Variants in PHKG1 observed in about 807,000 individuals in gnomAD.
PHKG1 encodes the protein phosphorylase kinase catalytic subunit gamma 1.
Under a neutral mutation model 50.5 loss-of-function variants are expected in PHKG1, and 48 were observed. The observed-to-expected ratio is 0.95, with a 90% CI of 0.75 to 1.21. The LOEUF is 1.21. Ranked by LOEUF, PHKG1 falls within the 50% of genes most tolerant of loss-of-function variation. The probability of loss-of-function intolerance (pLI) is 0.00; values close to 1 mark genes in which losing one functional copy is unlikely to be tolerated. For synonymous variants in PHKG1, 204 were observed against 212.8 expected (o/e 0.96, Z 0.36); for missense variants, 487 against 519.5 (o/e 0.94, Z 0.61).
At position 56,081,703 on chromosome 7, in the gene PHKG1, G is replaced by T; in HGVS notation, c.845C>A (p.Ala282Asp). The T allele has an allele frequency of 6.2e-7, 1 of 1,613,828 alleles. No homozygotes were observed. The highest frequency in any genetic ancestry group is 1.3e-5 in the African/African-American group (1 of 75,034). ...QPQNRYTAEEALAHPFFQQYL... is the reference protein window; with the variant it reads ...QPQNRYTAEEDLAHPFFQQYL... Reference sequence around the variant, plus strand: ...CTGCTGGAAGAAGGGGTGTGCCAAGGCCTCTTCCGCTGTGTAGCGGTTCTG... The same window carrying T: ...CTGCTGGAAGAAGGGGTGTGCCAAGTCCTCTTCCGCTGTGTAGCGGTTCTG... The change falls in exon 9 of 10, where the codon GCC (alanine) becomes GAC (aspartate). Residue 282 changes from alanine (A) to aspartate (D), a missense_variant. Coordinates refer to ENST00000297373, the MANE Select transcript of PHKG1 (RefSeq NM_006213.5). This position sits in a 1 kb window ranked among gnomAD's most constrained non-coding sequence, Gnocchi z 4.6.
At chr7:56,082,918 C>T (rs1041019674) in intron 6 of PHKG1, among the ~76,000 whole-genome samples, 8 of 152,016 alleles carry the variant, frequency 5.3e-5, no homozygotes, top group South Asian at 2.1e-4. Context: ...CCAGCCTGAC[C>T]AACATGGTGA....
At chr7:56,082,136 G>A in intron 7 of PHKG1, 27 bp downstream of exon 7, 2 of 1,612,846 alleles carry the variant, frequency 1.2e-6, no homozygotes, top group Non-Finnish European at 1.7e-6. Context: ...GCCTAGCTGG[G>A]TGCTCCTCCT....
At position 56,081,522 on chromosome 7, in the gene PHKG1, GGGATGGGTACTCT is replaced by G; in HGVS notation, c.918+95_918+107del. On this transcript the variant is annotated intron_variant, in intron 9 of 9. Transcript: ENST00000297373. This position sits in a 1 kb window ranked among gnomAD's most constrained non-coding sequence, Gnocchi z 4.6. ...CCATCACAGGGCAGCTGGGAGGGGA[GGGATGGGTACTCT>G]GGAAATTCACGGGGTGTAAGGACTC... 1 of 1,368,178 alleles carries G rather than the reference GGGATGGGTACTCT, an allele frequency of 7.3e-7. No individual in the cohort carries two copies. Among genetic ancestry groups the G allele is most frequent in the South Asian group, 1.3e-5 (1 of 78,142 alleles). The allele number at this position is 1,368,178 out of a possible 1,614,324, so 84.8% of individuals were successfully genotyped here. A position where few individuals can be genotyped will look rare whatever the true frequency, so the allele number is the denominator to read the frequency against.
chr7:56,090,045 C>A (rs1414354564), intron 1 of PHKG1, among the ~76,000 whole-genome samples: 1 of 152,104 alleles, frequency 6.6e-6, no homozygotes. Flanking sequence ...AAACACACCC[C>A]CTTCTAGGAC....
Position 56,081,886 on chromosome 7 carries a change from C to A in PHKG1, c.792+7G>T, listed in dbSNP as rs1796015741. On this transcript the variant is annotated splice_region_variant and intron_variant, in intron 8 of 9. Transcript: ENST00000297373. The surrounding 1 kb of genome is among the most constrained non-coding windows in gnomAD (Gnocchi z 4.6). Reference sequence around the variant, plus strand: ...GAGCCCAGGAGCCAGTTGGCCTGGCCTCTCACCAGGTCCTTCACGGTGTCC... The same window carrying A: ...GAGCCCAGGAGCCAGTTGGCCTGGCATCTCACCAGGTCCTTCACGGTGTCC... 7 of 1,613,220 alleles carry A rather than the reference C, an allele frequency of 4.3e-6. No individual in the cohort carries two copies. The highest frequency in any genetic ancestry group is 5.9e-6 in the Non-Finnish European group (7 of 1,179,826).
Position 56,081,571 on chromosome 7 carries a change from AG to A in PHKG1, c.918+58del. 6.3e-7 allele frequency: 1 copy of A among 1,587,876 alleles called. No homozygotes were observed. On this transcript the variant is annotated intron_variant, in intron 9 of 9. Transcript: ENST00000297373. The surrounding 1 kb of genome is among the most constrained non-coding windows in gnomAD (Gnocchi z 4.6). ...GGGGTGTAAGGACTCCTGGGAGAGG[AG>A]GGGGCTTAGAGGTTTGCACTTAGGG...
intron 4 of PHKG1, 124 bp downstream of exon 4, chr7:56,086,846 G>T: frequency 1.3e-6 from 1 of 798,504 alleles, no homozygotes; most frequent in Non-Finnish European, 2.2e-6. Context: ...TCTAAACACC[G>T]TGATTGTATT....
chr7:56,087,711 A>G lies in PHKG1; in HGVS notation c.149T>C (p.Val50Ala). 1 of 1,613,780 alleles carries G rather than the reference A, an allele frequency of 6.2e-7. No individual in the cohort carries two copies. Among genetic ancestry groups the G allele is most frequent in the Non-Finnish European group, 8.5e-7 (1 of 1,179,992 alleles). Residue 50 changes from valine to alanine, a missense_variant, in exon 3 of 10, where the codon GTC becomes GCC. Transcript: ENST00000297373. ...GCTGCCTCCACCGGTGACGTCGATG[A>G]CCTTCACGGCGTACTCCTGGCTCGT... ...KPTSQEYAVK[V>A]IDVTGGGSFS...
At chr7:56,086,771 A>T in intron 4 of PHKG1, 199 bp downstream of exon 4, 1 of 583,042 alleles carries the variant, frequency 1.7e-6, no homozygotes. Context: ...TAAAGAAATG[A>T]TCCAGCCCAC....
intron 6 of PHKG1, 57 bp downstream of exon 6, chr7:56,083,221 C>A: frequency 6.7e-7 from 1 of 1,495,122 alleles, no homozygotes; most frequent in African/African-American, 1.4e-5. Context: ...CTCTATTCTG[C>A]AGATGGTTGA....
rs1283953041 is a variant in PHKG1, at chr7:56,091,526, AAGAC to A, written c.-35+1306_-35+1309del. 1.3e-4 allele frequency among the ~76,000 whole-genome samples: 20 copies of A among 151,710 alleles called. No individual in the cohort carries two copies. The East Asian group carries it at 3.3e-3, about 25-fold the overall frequency. On this transcript the variant is annotated intron_variant, in intron 1 of 9. Transcript: ENST00000297373. The stretch of plus-strand genomic sequence containing the variant: ...AGTGAGACTCCATCTCAAAAAAAAA[AAGAC>A]AAAACAAAACAAAATCAGATGCAGG...
chr7:56,081,896 G>C lies in PHKG1; in HGVS notation c.789C>G (p.Asp263Glu), dbSNP rs200728838. ...EWDDYSDTVK[D>E]LVSRFLVVQP... ...GCCAGTTGGCCTGGCCTCTCACCAG[G>C]TCCTTCACGGTGTCCGAGTAATCAT... The change falls in exon 8 of 10, where the codon GAC becomes GAG. Residue 263 changes from aspartate (D) to glutamate (E), a missense_variant. Physicochemically the swap from Asp to Glu is conservative, Grantham distance 45. Transcript: ENST00000297373. The surrounding 1 kb of genome is among the most constrained non-coding windows in gnomAD (Gnocchi z 4.6). 168 of 1,613,302 alleles carry C rather than the reference G, an allele frequency of 1.0e-4. No individual in the cohort carries two copies. The highest frequency in any genetic ancestry group is 1.3e-4 in the Non-Finnish European group (152 of 1,179,944).
In PHKG1 at chr7:56,081,315, G is replaced by C. The variant is rs377245177; in HGVS notation, c.919-16C>G. On this transcript the variant is annotated splice_polypyrimidine_tract_variant and intron_variant, in intron 9 of 9. Transcript: ENST00000297373. The surrounding 1 kb of genome is among the most constrained non-coding windows in gnomAD (Gnocchi z 4.6). ...GAGCGATCACCTGCAGGGCCAGGCG[G>C]AGAAGCTGGGCTGCAGCCCCCGCCC... 1.2e-5 allele frequency: 19 copies of C among 1,596,468 alleles called. No homozygotes were observed. The highest frequency in any genetic ancestry group is 1.5e-5 in the Non-Finnish European group (18 of 1,176,212).
rs537581008 is a variant in PHKG1, at chr7:56,087,457, A to C, written c.262+141T>G. 3.1e-3 allele frequency: 2,280 copies of C among 734,194 alleles called. 4 individuals are homozygous for C. Among genetic ancestry groups the C allele is most frequent in the Non-Finnish European group, 4.3e-3 (1,933 of 446,366 alleles). 45.5% of individuals were successfully genotyped at this position (734,194 alleles called of 1,614,324 possible). ...ATCCCTGCCTGGGACCCCTTCTATC[A>C]GAGCAGTGAGGGTGGAGCTGGGAGC... On this transcript the variant is annotated intron_variant, in intron 3 of 9. Transcript: ENST00000297373.
At chr7:56,084,369 G>C in intron 4 of PHKG1, 1 of 473,432 alleles carries the variant, frequency 2.1e-6, no homozygotes, top group Non-Finnish European at 3.7e-6. Flanking sequence ...TGAGTATCCC[G>C]ATTTTTTTTT....
In PHKG1 at chr7:56,081,638, T is replaced by TC; in HGVS notation, c.909dup (p.Lys304GlufsTer94). ...ATCAGGACGCTTAGTACCTTGAACT[T>TC]CCCCCGGGGGCTGAAGTGCCGCACT... On this transcript the variant is annotated frameshift_variant, in exon 9 of 10. Transcript: ENST00000297373. LOFTEE classifies it high-confidence loss of function. This position sits in a 1 kb window ranked among gnomAD's most constrained non-coding sequence, Gnocchi z 4.6. 2 of 1,613,302 alleles carry TC rather than the reference T, an allele frequency of 1.2e-6. No individual in the cohort carries two copies. Among genetic ancestry groups the TC allele is most frequent in the Non-Finnish European group, 1.7e-6 (2 of 1,179,856 alleles).
chr7:56,083,755 A>G, intron 4 of PHKG1, 40 bp from the exon 5 acceptor site: 2 of 1,367,958 alleles, frequency 1.5e-6, no homozygotes, highest in Non-Finnish European at 2.0e-6. Flanking sequence ...CGGTCCCAAG[A>G]CCACCACTGC....
Position 56,081,205 on chromosome 7 carries a change from TA to T in PHKG1, c.1012del (p.Tyr338MetfsTer22), listed in dbSNP as rs764672270. The T allele has an allele frequency of 3.1e-6, 5 of 1,613,752 alleles. No homozygotes were observed. The South Asian group carries it at 4.4e-5, about 14-fold the overall frequency. On this transcript the variant is annotated frameshift_variant, in exon 10 of 10. Coordinates refer to ENST00000297373, the MANE Select transcript of PHKG1 (RefSeq NM_006213.5). LOFTEE classifies it high-confidence loss of function. The surrounding 1 kb of genome is among the most constrained non-coding windows in gnomAD (Gnocchi z 4.6). ...GAGCCGGCGCAGAGGCCGGAGGGCA[TA>T]GGGGTCTCGGATGACGATCTCCCGG... ...VTREIVIRDP[Y>X]ALRPLRRLID...
chr7:56,087,995 C>CTTTTTTTTTTT (rs34943237), intron 2 of PHKG1, among the ~76,000 whole-genome samples: 1 of 97,042 alleles, frequency 1.0e-5, no homozygotes. Flanking sequence ...CCGTGTGACT[C>CTTTTTTTTTTT]TTTTTTTTTT....
Sources: allele counts gnomAD v4.1 joint callset (sites outside exome capture counted in the v4.1 genomes callset), GRCh38; gene constraint gnomAD v4.1.1; non-coding constraint Gnocchi (gnomAD v3.1); transcripts MANE v1.5; gene names NCBI Gene and HGNC (gene_info 2026-07-23, HGNC 2026-07-21).